NEGR1: variants seen among roughly 807,000 people sequenced by gnomAD.
The protein encoded by NEGR1 is neuronal growth regulator 1, also known as IgLON family member 4.
Under a neutral mutation model 40.9 loss-of-function variants are expected in NEGR1, and 10 were observed. The ratio of observed to expected loss-of-function variants is 0.24; its 90% CI spans 0.15 to 0.42. The LOEUF is 0.42. Among genes scored for constraint, NEGR1 ranks in the 10% least tolerant of loss-of-function variants. NEGR1 has a pLI of 1.00. For synonymous variants in NEGR1, 185 were observed against 166.8 expected, an observed-to-expected ratio of 1.11 and a Z score of -0.84; for missense variants, 352 against 438.9, an observed-to-expected ratio of 0.80 and a Z score of 1.77.
intron 2 of NEGR1, among the ~76,000 whole-genome samples, chr1:71,927,712 G>A (rs1645787938): frequency 6.6e-6 from 1 of 150,422 alleles, no homozygotes; most frequent in Admixed American, 6.7e-5. Flanking sequence ...AGGCGTAGGG[G>A]CTCATGTCAG....
intron 3 of NEGR1, among the ~76,000 whole-genome samples, chr1:71,750,092 C>G (rs1375212819): frequency 1.3e-5 from 2 of 151,350 alleles, no homozygotes; most frequent in Admixed American, 6.6e-5. Flanking sequence ...TTCCCAGGTT[C>G]ACGCCATTCT....
At chr1:71,863,995 TA>T (rs1553170521) in intron 2 of NEGR1, among the ~76,000 whole-genome samples, 1 of 152,190 alleles carries the variant, frequency 6.6e-6, no homozygotes, top group Non-Finnish European at 1.5e-5. Flanking sequence ...CTCACCAAAG[TA>T]AGCAAATTGC....
At chr1:71,416,221 C>CATGTGGGT (rs759031983) in intron 6 of NEGR1, among the ~76,000 whole-genome samples, 10 of 152,084 alleles carry the variant, frequency 6.6e-5, no homozygotes, top group Non-Finnish European at 1.3e-4. Context: ...TGATCTTATA[C>CATGTGGGT]ATGTGGGTAT....
intron 2 of NEGR1, among the ~76,000 whole-genome samples, chr1:71,873,733 C>T (rs1660345649): frequency 6.6e-6 from 1 of 152,102 alleles, no homozygotes; most frequent in South Asian, 2.1e-4. Flanking sequence ...ATGGGTAATG[C>T]CACCAGTGAG....
intron 1 of NEGR1, among the ~76,000 whole-genome samples, chr1:72,187,666 G>A (rs1172564287): frequency 7.7e-4 from 1 of 1,302 alleles, no homozygotes; most frequent in Non-Finnish European, 2.4e-3. Context: ...ATCCAAACCT[G>A]GTATATTTTT....
chr1:71,639,346 G>T (rs1651270556), intron 4 of NEGR1, among the ~76,000 whole-genome samples: 1 of 151,996 alleles, frequency 6.6e-6, no homozygotes, highest in African/African-American at 2.4e-5. Flanking sequence ...CAGTTTTACA[G>T]TTCTTCAATG....
rs191812963 is a variant in NEGR1, at chr1:72,064,526, G to T, written c.177-129215C>A. ...GAACACAGTGGCCCTGAGCACCAAC[G>T]GCTTTCACTATGCTGGCCCTATTCT... On this transcript the variant is annotated intron_variant, in intron 1 of 6. Transcript: ENST00000357731. Among the ~76,000 whole-genome samples, 3 of 152,146 alleles carry T rather than the reference G, an allele frequency of 2.0e-5. No homozygotes were observed. In the East Asian group the frequency reaches 5.8e-4, roughly 29 times the overall value.
intron 6 of NEGR1, chr1:71,486,652 C>T (rs1363151430): frequency 6.6e-6 from 1 of 151,380 alleles, no homozygotes; most frequent in Non-Finnish European, 1.5e-5. Flanking sequence ...TAATATTTGT[C>T]TAAGGGTCTG....
intron 1 of NEGR1, among the ~76,000 whole-genome samples, chr1:72,141,984 A>G (rs2100336694): frequency 6.6e-6 from 1 of 152,186 alleles, no homozygotes; most frequent in African/African-American, 2.4e-5. Context: ...TCAGCAGCTA[A>G]TAAAGAAAAA....
chr1:71,702,723 A>AT (rs201980325), intron 3 of NEGR1, among the ~76,000 whole-genome samples: 1,043 of 57,706 alleles, frequency 0.018, 12 homozygotes, highest in African/African-American at 0.043. Context: ...AGCAAAACTT[A>AT]TTTAAAAAAA....
intron 6 of NEGR1, among the ~76,000 whole-genome samples, chr1:71,590,696 G>T (rs1182366342): frequency 6.6e-6 from 1 of 152,068 alleles, no homozygotes; most frequent in Non-Finnish European, 1.5e-5. Flanking sequence ...AGAATTAAAT[G>T]AACAAGTTTA....
At chr1:71,970,847 A>G (rs1646250773) in intron 1 of NEGR1, among the ~76,000 whole-genome samples, 3 of 152,216 alleles carry the variant, frequency 2.0e-5, no homozygotes, top group Admixed American at 6.5e-5. Context: ...ATACACATTC[A>G]AGGGGACAGA....
At chr1:71,951,792 A>G (rs567637550) in intron 1 of NEGR1, among the ~76,000 whole-genome samples, 67 of 151,966 alleles carry the variant, frequency 4.4e-4, no homozygotes, top group African/African-American at 1.5e-3. Context: ...CATTTTTCCA[A>G]CAGCATGTGC....
At chr1:72,049,150 C>A (rs1023237298) in intron 1 of NEGR1, among the ~76,000 whole-genome samples, 6 of 151,260 alleles carry the variant, frequency 4.0e-5, no homozygotes, top group African/African-American at 1.5e-4. Flanking sequence ...CACAGCAAGA[C>A]GTCTCTAAAG....
At chr1:71,896,818 T>C (rs1191339760) in intron 2 of NEGR1, among the ~76,000 whole-genome samples, 2 of 152,172 alleles carry the variant, frequency 1.3e-5, no homozygotes, top group Non-Finnish European at 2.9e-5. Flanking sequence ...CTTTCCCCCA[T>C]TGAAAGTCTT....
chr1:71,484,471 T>C (rs1646874666), intron 6 of NEGR1, among the ~76,000 whole-genome samples: 1 of 151,790 alleles, frequency 6.6e-6, no homozygotes, highest in Non-Finnish European at 1.5e-5. Context: ...TTCTGTATAA[T>C]GCTTCTACAT....
intron 1 of NEGR1, among the ~76,000 whole-genome samples, chr1:72,035,773 T>C (rs1204479214): frequency 2.0e-5 from 3 of 152,198 alleles, no homozygotes; most frequent in Non-Finnish European, 1.5e-5. Flanking sequence ...TCATTAAATC[T>C]GCACAAAAAC....
chr1:72,045,834 T>C (rs1444192791), intron 1 of NEGR1, among the ~76,000 whole-genome samples: 1 of 151,660 alleles, frequency 6.6e-6, no homozygotes, highest in East Asian at 1.9e-4. Flanking sequence ...GAAAAAAATA[T>C]GTAGTTTCAT....
chr1:72,246,551 T>C (rs1222006261), intron 1 of NEGR1, among the ~76,000 whole-genome samples: 2 of 152,246 alleles, frequency 1.3e-5, no homozygotes, highest in African/African-American at 4.8e-5. Context: ...TTAAGAAATA[T>C]GTTGATCATC....
Sources: gnomAD v4.1 joint callset for allele counts (sites outside exome capture counted in the v4.1 genomes callset) on GRCh38, gnomAD v4.1.1 for gene constraint, MANE v1.5 for transcripts, NCBI Gene and HGNC (gene_info 2026-07-23, HGNC 2026-07-21) for gene names.